The following PCCA variants were observed in gnomAD, a reference collection of about 807,000 sequenced individuals.
PCCA encodes propionyl-CoA carboxylase subunit alpha, also known as propionyl-CoA carboxylase alpha chain, mitochondrial.
PCCA carries 74 observed loss-of-function variants against 101.3 expected under a neutral mutation model. The ratio of observed to expected loss-of-function variants is 0.73; its 90% CI spans 0.61 to 0.89. The LOEUF (loss-of-function observed/expected upper bound fraction) is 0.89. Ranked by LOEUF, PCCA falls within the 40% of genes least tolerant of loss-of-function variation. The pLI is 0.00. For missense variants in PCCA, 891 were observed against 907.0 expected (o/e 0.98, Z 0.23); for synonymous variants, 294 against 313.6 (o/e 0.94, Z 0.66).
chr13:100,140,322 T>A (rs2051713946), intron 4 of PCCA, among the ~76,000 whole-genome samples: 1 of 152,236 alleles, frequency 6.6e-6, no homozygotes, highest in Non-Finnish European at 1.5e-5. Context: ...AGAATGTTTC[T>A]TCTCTCATTG....
chr13:100,131,793 G>C (rs551988662), intron 4 of PCCA, among the ~76,000 whole-genome samples: 20 of 152,284 alleles, frequency 1.3e-4, no homozygotes, highest in African/African-American at 4.6e-4. Flanking sequence ...CACATCTTTT[G>C]AACTAGGCAG....
intron 7 of PCCA, among the ~76,000 whole-genome samples, chr13:100,214,318 T>C (rs2152486619): frequency 6.6e-6 from 1 of 152,286 alleles, no homozygotes; most frequent in Admixed American, 6.5e-5. Context: ...TATGGACATT[T>C]TAACAATATT....
intron 21 of PCCA, among the ~76,000 whole-genome samples, chr13:100,494,637 C>T (rs1455767925): frequency 2.0e-5 from 3 of 151,202 alleles, no homozygotes; most frequent in Non-Finnish European, 2.9e-5. Context: ...GAGCCGAGAT[C>T]GCGCTATTGC....
chr13:100,176,043 T>C (rs889068281), intron 6 of PCCA, among the ~76,000 whole-genome samples: 1 of 152,234 alleles, frequency 6.6e-6, no homozygotes, highest in African/African-American at 2.4e-5. Flanking sequence ...AAGGGCTTGA[T>C]AGGCCTCGGT....
Position 100,451,754 on chromosome 13 carries a change from CCCTCTCTGTCCTCTTCCTCT to C in PCCA, c.1899+2497_1899+2516del, listed in dbSNP as rs1289337531. Among the ~76,000 whole-genome samples the C allele has an allele frequency of 2.8e-3, 276 of 98,570 alleles. 3 individuals are homozygous for C. In the East Asian group the frequency reaches 0.033, roughly 12 times the overall value. The allele number at this position is 98,570 out of a possible 152,430, so 64.7% of individuals were successfully genotyped here. On this transcript the variant is annotated intron_variant, in intron 21 of 23. Transcript: ENST00000376285. ...TCTCTCTCTCTTCTCTCCTTCCTCT[CCCTCTCTGTCCTCTTCCTCT>C]CCTCTCTGTCCTCTTCCTCTCCTCT...
At chr13:100,161,477 C>G (rs1289528251) in intron 6 of PCCA, 1 of 152,182 alleles carries the variant, frequency 6.6e-6, no homozygotes, top group Admixed American at 6.5e-5. Context: ...CATTGGTCCT[C>G]AGTTACAAGG....
intron 6 of PCCA, among the ~76,000 whole-genome samples, chr13:100,180,645 C>T (rs1341225028): frequency 1.3e-5 from 2 of 152,224 alleles, no homozygotes; most frequent in East Asian, 1.9e-4. Flanking sequence ...ATTTCTTTCT[C>T]CTCTGATTTT....
At chr13:100,118,779 G>C (rs2049077025) in intron 4 of PCCA, among the ~76,000 whole-genome samples, 1 of 151,966 alleles carries the variant, frequency 6.6e-6, no homozygotes, top group Admixed American at 6.5e-5. Context: ...GAACTCCTGG[G>C]CTCAAGAGAT....
At chr13:100,217,714 G>T (rs913483554) in intron 7 of PCCA, among the ~76,000 whole-genome samples, 1 of 151,574 alleles carries the variant, frequency 6.6e-6, no homozygotes, top group African/African-American at 2.4e-5. Context: ...AATTAGTTGG[G>T]CGTGGTGGCA....
intron 21 of PCCA, among the ~76,000 whole-genome samples, chr13:100,511,996 G>A (rs1409118365): frequency 6.6e-6 from 1 of 152,220 alleles, no homozygotes; most frequent in Non-Finnish European, 1.5e-5. Flanking sequence ...TTTCTGGGGT[G>A]CAGGCATACA....
intron 6 of PCCA, among the ~76,000 whole-genome samples, chr13:100,206,911 T>C (rs929480105): frequency 5.3e-5 from 8 of 152,150 alleles, no homozygotes; most frequent in African/African-American, 1.9e-4. Flanking sequence ...ATCTGAGTAG[T>C]TTCCCCCAGT....
intron 7 of PCCA, among the ~76,000 whole-genome samples, chr13:100,228,269 G>A (rs2060267481): frequency 6.6e-6 from 1 of 152,148 alleles, no homozygotes; most frequent in African/African-American, 2.4e-5. Flanking sequence ...GCCTGCCTCA[G>A]CCTCCCAGAG....
chr13:100,424,620 G>T (rs2079022749), intron 19 of PCCA, among the ~76,000 whole-genome samples: 1 of 152,138 alleles, frequency 6.6e-6, no homozygotes, highest in South Asian at 2.1e-4. Flanking sequence ...TATTTTTAGG[G>T]CACCTTATAC....
chr13:100,101,228 T>C (rs912230866), intron 1 of PCCA, among the ~76,000 whole-genome samples: 1 of 152,226 alleles, frequency 6.6e-6, no homozygotes, highest in Admixed American at 6.5e-5. Context: ...TGAGTAGATA[T>C]TAGTGTTTAT....
At chr13:100,322,815 A>T (rs555013230) in intron 16 of PCCA, among the ~76,000 whole-genome samples, 77 of 152,250 alleles carry the variant, frequency 5.1e-4, no homozygotes, top group African/African-American at 1.7e-3. Context: ...GTCTCAAGTC[A>T]TCTCCCACCT....
At chr13:100,150,692 G>C (rs990693016) in intron 4 of PCCA, 2 of 1,529,478 alleles carry the variant, frequency 1.3e-6, no homozygotes, top group South Asian at 2.2e-5. Flanking sequence ...GAATGGATCA[G>C]TGAGGATAAC....
chr13:100,218,073 T>TA (rs368406190), intron 7 of PCCA, among the ~76,000 whole-genome samples: 23,164 of 137,558 alleles, frequency 0.17, 1,942 homozygotes, highest in African/African-American at 0.2. Context: ...AGACTCTGTC[T>TA]AAAAAAAAAA....
chr13:100,425,054 CT>C (rs1595858604), intron 19 of PCCA, among the ~76,000 whole-genome samples: 3 of 151,578 alleles, frequency 2.0e-5, no homozygotes, highest in Non-Finnish European at 2.9e-5. Flanking sequence ...GATTATGGGT[CT>C]TTTTTTGCAT....
At position 100,155,108 on chromosome 13, in the gene PCCA, T is replaced by G; in HGVS notation, c.414+16T>G. 1 of 1,458,716 alleles carries G rather than the reference T, an allele frequency of 6.9e-7. No individual in the cohort carries two copies. 90.4% of individuals were successfully genotyped at this position (1,458,716 alleles called of 1,614,324 possible). A position where few individuals can be genotyped will look rare whatever the true frequency, so the allele number is the denominator to read the frequency against. ...GGCCCAAGCTGTGAGTCTGAATGAA[T>G]CTATCTACTGCAGCTGTTTCATATG... is the stretch of plus-strand genomic sequence containing the variant. On this transcript the variant is annotated intron_variant, in intron 5 of 23. Coordinates refer to ENST00000376285, the MANE Select transcript of PCCA (RefSeq NM_000282.4).
Sources: allele counts gnomAD v4.1 joint callset (sites outside exome capture counted in the v4.1 genomes callset), GRCh38; gene constraint gnomAD v4.1.1; transcripts MANE v1.5; gene names NCBI Gene and HGNC (gene_info 2026-07-23, HGNC 2026-07-21).